GPR158: variants seen among roughly 807,000 people sequenced by gnomAD.
GPR158 encodes the protein G protein-coupled receptor 158.
A neutral mutation model predicts 78.2 loss-of-function variants in GPR158; 30 were observed. That is an observed-to-expected ratio of 0.38 (90% CI 0.29 to 0.52). GPR158 has a LOEUF of 0.52. Among genes scored for constraint, GPR158 ranks in the 20% least tolerant of loss-of-function variants. The pLI, the probability that GPR158 is intolerant of heterozygous loss-of-function variation, is 0.83. For missense variants in GPR158, 1,463 were observed against 1,523.5 expected, an observed-to-expected ratio of 0.96 and a Z score of 0.66; for synonymous variants, 581 against 591.1, an observed-to-expected ratio of 0.98 and a Z score of 0.25.
intron 2 of GPR158, among the ~76,000 whole-genome samples, chr10:25,262,260 C>A (rs115422655): frequency 0.01 from 1,549 of 152,196 alleles, 23 homozygotes; most frequent in South Asian, 0.057. Flanking sequence ...AACTCACATT[C>A]TTTGGGTATA....
At chr10:25,350,630 A>T (rs570114971) in intron 2 of GPR158, among the ~76,000 whole-genome samples, 2 of 151,984 alleles carry the variant, frequency 1.3e-5, no homozygotes, top group Non-Finnish European at 2.9e-5. Flanking sequence ...CTCCATAATC[A>T]TTCTCCAGGG....
chr10:25,576,911 A>G (rs924107092), intron 7 of GPR158, among the ~76,000 whole-genome samples: 2 of 151,700 alleles, frequency 1.3e-5, no homozygotes, highest in African/African-American at 4.9e-5. Context: ...CTTTTGTCCT[A>G]TAAACTACTG....
intron 5 of GPR158, among the ~76,000 whole-genome samples, chr10:25,521,666 G>A (rs1836276961): frequency 6.6e-6 from 1 of 152,170 alleles, no homozygotes; most frequent in African/African-American, 2.4e-5. Flanking sequence ...CTATGTCAGA[G>A]GGAAGATCTG....
At chr10:25,386,458 T>C (rs778473783) in intron 2 of GPR158, among the ~76,000 whole-genome samples, 51 of 152,278 alleles carry the variant, frequency 3.3e-4, no homozygotes, top group Middle Eastern at 3.4e-3. Flanking sequence ...ATTTTTTCGA[T>C]TTCTGCAAAA....
At chr10:25,231,628 T>C (rs1853449226) in intron 2 of GPR158, among the ~76,000 whole-genome samples, 1 of 152,176 alleles carries the variant, frequency 6.6e-6, no homozygotes, top group Non-Finnish European at 1.5e-5. Flanking sequence ...CCTCTCTGTC[T>C]GTACACGTTA....
At chr10:25,241,716 C>T (rs73608251) in intron 2 of GPR158, among the ~76,000 whole-genome samples, 8,261 of 152,220 alleles carry the variant, frequency 0.054, 785 homozygotes, top group African/African-American at 0.19. Flanking sequence ...GCCACCGTGC[C>T]TGGCCCTTTT....
chr10:25,284,468 T>A (rs1377858003), intron 2 of GPR158, among the ~76,000 whole-genome samples: 2 of 151,768 alleles, frequency 1.3e-5, no homozygotes, highest in Non-Finnish European at 2.9e-5. Context: ...CATGTTGGAA[T>A]AATATTTTTT....
At chr10:25,396,071 A>C in intron 3 of GPR158, 58 bp downstream of exon 3, 1 of 729,288 alleles carries the variant, frequency 1.4e-6, no homozygotes, top group Non-Finnish European at 2.3e-6. Flanking sequence ...TACTATTATT[A>C]CGAAGATTTT....
At chr10:25,503,393 A>G (rs762708957) in intron 5 of GPR158, among the ~76,000 whole-genome samples, 6 of 152,112 alleles carry the variant, frequency 3.9e-5, no homozygotes, top group Non-Finnish European at 5.9e-5. Context: ...TTTAGTTTAA[A>G]AAAAAATCCC....
intron 2 of GPR158, among the ~76,000 whole-genome samples, chr10:25,348,822 T>C (rs1394852158): frequency 6.6e-6 from 1 of 152,028 alleles, no homozygotes; most frequent in Non-Finnish European, 1.5e-5. Flanking sequence ...AACAGCCCTC[T>C]TCAGGCCACC....
Position 25,175,466 on chromosome 10 carries a change from C to T in GPR158, c.46C>T (p.Gln16Ter). The T allele has an allele frequency of 1.9e-6, 3 of 1,607,412 alleles. No individual in the cohort carries two copies. The highest frequency in any genetic ancestry group is 2.5e-6 in the Non-Finnish European group (3 of 1,176,866). The change falls in exon 1 of 11, where the codon CAG (glutamine) becomes TAG (stop). Residue 16 changes from glutamine (Q) to a stop codon, truncating the protein, a stop_gained. Coordinates refer to ENST00000376351, the MANE Select transcript of GPR158 (RefSeq NM_020752.3). LOFTEE classifies it high-confidence loss of function. The surrounding 1 kb of genome is among the most constrained non-coding windows in gnomAD (Gnocchi z 6.4). ...YPLLLCLLLA[Q>*]LGLGAVGASR... is the part of the protein sequence containing the mutation. ...CTTACTCCTCTGCCTCCTGCTTGCT[C>T]AGCTGGGATTGGGAGCTGTTGGCGC...
At chr10:25,363,161 T>A (rs1855667336) in intron 2 of GPR158, among the ~76,000 whole-genome samples, 2 of 151,958 alleles carry the variant, frequency 1.3e-5, no homozygotes, top group South Asian at 4.1e-4. Context: ...GTTTTAGCAT[T>A]TGTTTGGCAG....
chr10:25,319,812 T>C (rs1854918844), intron 2 of GPR158, among the ~76,000 whole-genome samples: 1 of 117,328 alleles, frequency 8.5e-6, no homozygotes, highest in African/African-American at 3.8e-5. Context: ...GTGATATTGC[T>C]GAACACCCCA....
At chr10:25,400,688 C>G (rs1382423235) in intron 3 of GPR158, among the ~76,000 whole-genome samples, 1 of 152,226 alleles carries the variant, frequency 6.6e-6, no homozygotes, top group Non-Finnish European at 1.5e-5. Flanking sequence ...ACTAGCTCAT[C>G]TTCCTCACGT....
intron 2 of GPR158, among the ~76,000 whole-genome samples, chr10:25,237,415 A>G (rs1004475178): frequency 5.3e-5 from 8 of 152,336 alleles, no homozygotes; most frequent in Middle Eastern, 3.4e-3. Flanking sequence ...ATTAAAATGA[A>G]TACTTTTAAT....
intron 4 of GPR158, among the ~76,000 whole-genome samples, chr10:25,450,004 G>GA (rs111752868): frequency 0.45 from 67,433 of 148,318 alleles, 15,172 homozygotes; most frequent in South Asian, 0.55. Context: ...AAAATGATCA[G>GA]AAAAAAAAAA....
At chr10:25,302,134 C>T (rs1039330418) in intron 2 of GPR158, among the ~76,000 whole-genome samples, 1 of 141,944 alleles carries the variant, frequency 7.0e-6, no homozygotes, top group Non-Finnish European at 1.5e-5. Flanking sequence ...TGCAGTGGTG[C>T]GATCTCGGCT....
intron 5 of GPR158, among the ~76,000 whole-genome samples, chr10:25,547,620 A>C (rs916204794): frequency 2.6e-5 from 4 of 152,134 alleles, no homozygotes; most frequent in African/African-American, 4.8e-5. Context: ...TGCATTTCAC[A>C]GGGTGATGGC....
chr10:25,372,760 A>T (rs1439627711), intron 2 of GPR158, among the ~76,000 whole-genome samples: 1 of 150,724 alleles, frequency 6.6e-6, no homozygotes, highest in Non-Finnish European at 1.5e-5. Flanking sequence ...CTAATGCTAG[A>T]TGACGAGTTA....
Sources: gnomAD v4.1 joint callset for allele counts (sites outside exome capture counted in the v4.1 genomes callset) on GRCh38, gnomAD v4.1.1 for gene constraint, Gnocchi (gnomAD v3.1) non-coding constraint, MANE v1.5 for transcripts, NCBI Gene and HGNC (gene_info 2026-07-23, HGNC 2026-07-21) for gene names.